Variants in CDC73 observed in about 807,000 individuals in gnomAD.
CDC73 encodes parafibromin.
Under a neutral mutation model 83.7 loss-of-function variants are expected in CDC73, and 21 were observed. That is an observed-to-expected ratio of 0.25 (90% CI 0.18 to 0.36). CDC73 has a LOEUF of 0.36. Ranked by LOEUF, CDC73 falls within the 10% of genes least tolerant of loss-of-function variation. The pLI, the probability that CDC73 is intolerant of heterozygous loss-of-function variation, is 1.00. For missense variants in CDC73, 342 were observed against 653.3 expected (o/e 0.52, Z 5.19); for synonymous variants, 224 against 212.9 (o/e 1.05, Z -0.45).
intron 10 of CDC73, among the ~76,000 whole-genome samples, chr1:193,177,619 G>A (rs987652156): frequency 2.0e-5 from 3 of 151,794 alleles, no homozygotes; most frequent in Admixed American, 6.6e-5. Flanking sequence ...CCTCTTACAC[G>A]AGTCCTTCCT....
chr1:193,219,418 T>C lies in CDC73; in HGVS notation c.1154+6941T>C, dbSNP rs143893348. On this transcript the variant is annotated intron_variant, in intron 13 of 16. Coordinates refer to ENST00000367435, the MANE Select transcript of CDC73 (RefSeq NM_024529.5). ...ATATACCTAGAGGAATATAAATCTT[T>C]CTACCAAAAAGACACATGCACTCTT... 6.2e-4 allele frequency among the ~76,000 whole-genome samples: 95 copies of C among 152,326 alleles called. 1 individual carries two copies. Among genetic ancestry groups the C allele is most frequent in the Non-Finnish European group, 1.2e-3 (83 of 68,024 alleles).
intron 10 of CDC73, 79 bp downstream of exon 10, chr1:193,152,523 C>A: frequency 2.2e-6 from 2 of 922,266 alleles, no homozygotes; most frequent in Non-Finnish European, 3.6e-6. Flanking sequence ...AATCTTTAGT[C>A]TCTCATATTT....
At chr1:193,205,708 A>G (rs17593064) in intron 11 of CDC73, among the ~76,000 whole-genome samples, 3,836 of 152,270 alleles carry the variant, frequency 0.025, 73 homozygotes, top group Middle Eastern at 0.048. Flanking sequence ...TGAGAGCATA[A>G]GAAGAACAAT....
chr1:193,215,699 C>T (rs775872306), intron 13 of CDC73, among the ~76,000 whole-genome samples: 1 of 151,644 alleles, frequency 6.6e-6, no homozygotes, highest in Non-Finnish European at 1.5e-5. Context: ...AAGCAATCCT[C>T]TTGCCTCAGC....
rs565086312 is a variant in CDC73 at position 193,232,238 on chromosome 1, TA to T, written c.1155-743del. 2.8e-3 allele frequency among the ~76,000 whole-genome samples: 401 copies of T among 145,484 alleles called. 1 individual carries two copies. The highest frequency in any genetic ancestry group is 8.1e-3 in the African/African-American group (323 of 39,952). On this transcript the variant is annotated intron_variant, in intron 13 of 16. Transcript: ENST00000367435. ...GTAATTTTGCTGAAGCATAAAATCTTAAAAAAAAAAAAGTTTTATGAAGCTC... is the reference window on the plus strand; with the variant it reads ...GTAATTTTGCTGAAGCATAAAATCTTAAAAAAAAAAAGTTTTATGAAGCTC...
intron 7 of CDC73, 118 bp from the exon 8 acceptor site, chr1:193,147,749 C>A: frequency 1.4e-6 from 1 of 706,496 alleles, no homozygotes; most frequent in Non-Finnish European, 2.6e-6. Context: ...AATAATGATA[C>A]CTTATGACAT....
At chr1:193,212,042 G>T (rs1407025751) in intron 11 of CDC73, 23 bp from the exon 12 acceptor site, 2 of 1,558,140 alleles carry the variant, frequency 1.3e-6, no homozygotes, top group South Asian at 2.3e-5. Flanking sequence ...ACACAGAGTT[G>T]TGATTTTTTT....
intron 6 of CDC73, among the ~76,000 whole-genome samples, chr1:193,140,071 C>G (rs546967078): frequency 2.6e-5 from 4 of 152,330 alleles, no homozygotes; most frequent in Admixed American, 1.3e-4. Flanking sequence ...GCTGTAGTCT[C>G]AGCTCCATTT....
In CDC73 at chr1:193,238,449, G is replaced by A. The variant is rs116184515; in HGVS notation, c.1417+2093G>A. Among the ~76,000 whole-genome samples, 1,073 of 152,212 alleles carry A rather than the reference G, an allele frequency of 7.0e-3. 10 individuals are homozygous for A. Among genetic ancestry groups the A allele is most frequent in the Non-Finnish European group, 0.011 (716 of 68,012 alleles). Reference sequence around the variant, plus strand: ...GAAGTCACCAGTGACTCAAATATTGGATACTGTTAACTTACCAGAATTTGA... The same window carrying A: ...GAAGTCACCAGTGACTCAAATATTGAATACTGTTAACTTACCAGAATTTGA... On this transcript the variant is annotated intron_variant, in intron 15 of 16. Transcript: ENST00000367435.
intron 5 of CDC73, chr1:193,136,511 A>T (rs1366812268): frequency 3.5e-6 from 1 of 286,536 alleles, no homozygotes; most frequent in Admixed American, 3.5e-5. Context: ...GTATTTGCTC[A>T]TAGATGATAT....
intron 13 of CDC73, among the ~76,000 whole-genome samples, chr1:193,218,312 C>G (rs1181711773): frequency 6.6e-6 from 1 of 152,188 alleles, no homozygotes; most frequent in Non-Finnish European, 1.5e-5. Context: ...TAGGAAGAAT[C>G]AATATTGTTA....
intron 13 of CDC73, among the ~76,000 whole-genome samples, chr1:193,227,645 A>T (rs955421062): frequency 1.4e-4 from 21 of 152,348 alleles, no homozygotes; most frequent in African/African-American, 4.6e-4. Context: ...ATATGGCTTA[A>T]CTTTAGAATT....
chr1:193,235,747 A>G (rs1677747101), intron 14 of CDC73, among the ~76,000 whole-genome samples: 1 of 152,216 alleles, frequency 6.6e-6, no homozygotes, highest in African/African-American at 2.4e-5. Context: ...TACTCAGATT[A>G]CTTCCTAAGT....
chr1:193,143,516 T>C (rs1430879727), intron 7 of CDC73, among the ~76,000 whole-genome samples: 1 of 152,226 alleles, frequency 6.6e-6, no homozygotes, highest in Non-Finnish European at 1.5e-5. Context: ...CCATCATTTC[T>C]AAACTTACTG....
At position 193,122,187 on chromosome 1, in the gene CDC73, C is replaced by T. The variant is rs763577687; in HGVS notation, c.-14C>T. On this transcript the variant is annotated 5_prime_UTR_variant, in exon 1 of 17. Transcript: ENST00000367435. ...CGGCGGCGCCCCGAGCCGGCGGAGG[C>T]GAGGGGGGGGAAGATGGCGGACGTG... The T allele has an allele frequency of 6.8e-6, 11 of 1,611,590 alleles. No individual in the cohort carries two copies. Among genetic ancestry groups the T allele is most frequent in the East Asian group, 4.5e-5 (2 of 44,802 alleles).
In CDC73 at chr1:193,196,238, G is replaced by T. The variant is rs12124671; in HGVS notation, c.973-7557G>T. ...TCCAGTTTCCCCAGCACCATTTGTTGAAAAGGCTGTCCTTTCCTTATTGAA... is the reference window on the plus strand; with the variant it reads ...TCCAGTTTCCCCAGCACCATTTGTTTAAAAGGCTGTCCTTTCCTTATTGAA... On this transcript the variant is annotated intron_variant, in intron 10 of 16. Coordinates refer to ENST00000367435, the MANE Select transcript of CDC73 (RefSeq NM_024529.5). Among the ~76,000 whole-genome samples the T allele has an allele frequency of 4.9e-3, 746 of 152,268 alleles. 2 individuals carry two copies. The highest frequency in any genetic ancestry group is 7.3e-3 in the Non-Finnish European group (494 of 68,014).
chr1:193,138,510 C>G (rs1023966018), intron 6 of CDC73, among the ~76,000 whole-genome samples: 5 of 152,112 alleles, frequency 3.3e-5, no homozygotes, highest in African/African-American at 1.2e-4. Flanking sequence ...ATATTTTTAG[C>G]TTTGAAGGTA....
At chr1:193,244,562 A>AC (rs1558324195) in intron 15 of CDC73, among the ~76,000 whole-genome samples, 1 of 152,208 alleles carries the variant, frequency 6.6e-6, no homozygotes, top group African/African-American at 2.4e-5. Context: ...TGAACAACCA[A>AC]CCAAACAAAC....
intron 11 of CDC73, among the ~76,000 whole-genome samples, chr1:193,211,589 A>G (rs1218143751): frequency 6.6e-6 from 1 of 152,218 alleles, no homozygotes. Flanking sequence ...AACAAGGGCT[A>G]CTTGAAACAA....
Sources: allele counts gnomAD v4.1 joint callset (sites outside exome capture counted in the v4.1 genomes callset), GRCh38; gene constraint gnomAD v4.1.1; transcripts MANE v1.5; gene names NCBI Gene and HGNC (gene_info 2026-07-23, HGNC 2026-07-21).